Variants in DMD observed in about 807,000 individuals in gnomAD.
The protein encoded by DMD is dystrophin.
Under a neutral mutation model 330.1 loss-of-function variants are expected in DMD, and 63 were observed. The ratio of observed to expected loss-of-function variants is 0.19; its 90% CI spans 0.16 to 0.24. The LOEUF (loss-of-function observed/expected upper bound fraction) is 0.24. Among genes scored for constraint, DMD ranks in the 10% least tolerant of loss-of-function variants. The probability of loss-of-function intolerance (pLI) is 1.00; values close to 1 mark genes in which losing one functional copy is unlikely to be tolerated. For synonymous variants in DMD, 1,223 were observed against 959.8 expected (o/e 1.27, Z -5.07); for missense variants, 3,344 against 2,684.1 (o/e 1.25, Z -5.43).
chrX:33,113,598 C>G (rs35061242), intron 1 of DMD, among the ~76,000 whole-genome samples: 48 of 108,643 alleles, frequency 4.4e-4, no homozygotes, highest in Admixed American at 2.8e-3. Context: ...TTGCCCCCCC[C>G]CCCAAAAAAA....
intron 1 of DMD, among the ~76,000 whole-genome samples, chrX:33,271,024 G>T (rs1327830438): frequency 9.0e-6 from 1 of 111,096 alleles, no homozygotes; most frequent in Non-Finnish European, 1.9e-5. Flanking sequence ...TATTTAAAAA[G>T]GTGTTATTTG....
At chrX:31,503,031 C>CT (rs2070565973) in intron 56 of DMD, among the ~76,000 whole-genome samples, 1 of 109,463 alleles carries the variant, frequency 9.1e-6, no homozygotes, top group South Asian at 3.9e-4. Context: ...TGACTACTTA[C>CT]TTTTCTTCCT....
intron 1 of DMD, among the ~76,000 whole-genome samples, chrX:33,321,373 C>T (rs1189944266): frequency 9.0e-6 from 1 of 111,062 alleles, no homozygotes; most frequent in Non-Finnish European, 1.9e-5. Flanking sequence ...CCTTGTACAT[C>T]TCCAAATGAG....
intron 18 of DMD, among the ~76,000 whole-genome samples, chrX:32,505,892 T>C (rs1010022984): frequency 3.6e-5 from 4 of 112,141 alleles, no homozygotes; most frequent in African/African-American, 6.5e-5. Context: ...TTAAAGAAGA[T>C]AATCTGAAAA....
At chrX:33,330,071 A>G (rs2054147578) in intron 1 of DMD, among the ~76,000 whole-genome samples, 1 of 111,131 alleles carries the variant, frequency 9.0e-6, no homozygotes, top group South Asian at 3.7e-4. Flanking sequence ...ATAAATATAT[A>G]CATATATGTG....
chrX:31,892,352 C>T (rs918419710), intron 47 of DMD, among the ~76,000 whole-genome samples: 6 of 110,775 alleles, frequency 5.4e-5, no homozygotes, highest in Admixed American at 2.9e-4. Flanking sequence ...AGAACTTCAC[C>T]GGTTAATATG....
rs138104958 is a variant in DMD at position 32,228,345 on chromosome X, T to A, written c.6291-11282A>T. Among the ~76,000 whole-genome samples the A allele has an allele frequency of 2.7e-5, 3 of 111,586 alleles. No homozygotes were observed. In the East Asian group the frequency reaches 8.5e-4, roughly 31 times the overall value. On this transcript the variant is annotated intron_variant, in intron 43 of 78. Coordinates refer to ENST00000357033, the MANE Select transcript of DMD (RefSeq NM_004006.3). ...AAGGTTGTGATATTTGAAAATTCCA[T>A]CATGATGGAAAAATATTCAGGGTGT...
At chrX:31,411,499 T>A (rs1055381640) in intron 60 of DMD, among the ~76,000 whole-genome samples, 2 of 112,293 alleles carry the variant, frequency 1.8e-5, no homozygotes, top group African/African-American at 6.5e-5. Context: ...TAGAAGGGTG[T>A]ACATTGTATA....
chrX:32,303,853 C>T (rs995040859), intron 42 of DMD, among the ~76,000 whole-genome samples: 7 of 110,649 alleles, frequency 6.3e-5, no homozygotes, highest in South Asian at 3.8e-4. Context: ...ACATCCCATC[C>T]AGCTACCAGG....
intron 43 of DMD, among the ~76,000 whole-genome samples, chrX:32,234,502 T>C (rs2097180519): frequency 9.0e-6 from 1 of 111,704 alleles, no homozygotes. Flanking sequence ...TTCAACTGAT[T>C]TGGGACATGG....
intron 41 of DMD, among the ~76,000 whole-genome samples, chrX:32,340,407 C>T (rs5972542): frequency 0.19 from 21,582 of 110,810 alleles, 2,060 homozygotes; most frequent in African/African-American, 0.36. Flanking sequence ...CTGGTTCACA[C>T]ATGCTTCCTT....
At chrX:31,496,538 T>C (rs1459188635) in intron 57 of DMD, among the ~76,000 whole-genome samples, 1 of 112,240 alleles carries the variant, frequency 8.9e-6, no homozygotes, top group Non-Finnish European at 1.9e-5. Flanking sequence ...ATATGTTCAA[T>C]ATTTTTCATC....
At chrX:33,253,863 A>C (rs2052811722) in intron 1 of DMD, among the ~76,000 whole-genome samples, 1 of 111,207 alleles carries the variant, frequency 9.0e-6, no homozygotes, top group Non-Finnish European at 1.9e-5. Context: ...TTTTAATAGT[A>C]ATTTATTCAT....
chrX:32,656,491 C>A (rs2060582195), intron 9 of DMD, among the ~76,000 whole-genome samples: 1 of 112,134 alleles, frequency 8.9e-6, no homozygotes, highest in Non-Finnish European at 1.9e-5. Context: ...AAACCTACAG[C>A]AATCTCATAT....
At position 31,347,022 on chromosome X, in the gene DMD, AAAAAAAAAAAAAAAG is replaced by A. The variant is rs1487741386; in HGVS notation, c.9163+1519_9163+1533del. Among the ~76,000 whole-genome samples, 466 of 76,541 alleles carry A rather than the reference AAAAAAAAAAAAAAAG, an allele frequency of 6.1e-3. 15 individuals are homozygous for A. The highest frequency in any genetic ancestry group is 0.03 in the Admixed American group (214 of 7,212). 66.5% of individuals were successfully genotyped at this position (76,541 alleles called of 115,157 possible). A position where few individuals can be genotyped will look rare whatever the true frequency, so the allele number is the denominator to read the frequency against. ...CTCTCAAAAAAAAAAAAAAAAAAAAAAAAAAAAAAAAAAAGGAAGGATGCAAACAGTTAGGGAAAG... is the reference window on the plus strand; with the variant it reads ...CTCTCAAAAAAAAAAAAAAAAAAAAAGAAGGATGCAAACAGTTAGGGAAAG... On this transcript the variant is annotated intron_variant, in intron 61 of 78. Coordinates refer to ENST00000357033, the MANE Select transcript of DMD (RefSeq NM_004006.3).
rs9698860 is a variant in DMD at position 31,487,020 on chromosome X, G to T, written c.8548-7917C>A. 4.7e-3 allele frequency among the ~76,000 whole-genome samples: 521 copies of T among 111,758 alleles called. 4 individuals are homozygous for T. The highest frequency in any genetic ancestry group is 0.016 in the African/African-American group (485 of 30,757). On this transcript the variant is annotated intron_variant, in intron 57 of 78. Transcript: ENST00000357033. ...AGCAATCCAGGATGTACATGGCAGG[G>T]TGGCAAGAATATTGCCCCCAGTAAT...
At chrX:31,332,379 T>C (rs1018251431) in intron 61 of DMD, among the ~76,000 whole-genome samples, 3 of 111,955 alleles carry the variant, frequency 2.7e-5, no homozygotes, top group Admixed American at 9.5e-5. Flanking sequence ...TATTCTTGTA[T>C]AGTAGTTATA....
At chrX:32,766,724 T>G (rs953062682) in intron 7 of DMD, among the ~76,000 whole-genome samples, 1 of 111,392 alleles carries the variant, frequency 9.0e-6, no homozygotes, top group Non-Finnish European at 1.9e-5. Context: ...ATGAATATAG[T>G]TAATAGAGTA....
chrX:32,855,403 T>C (rs2081465844), intron 2 of DMD, among the ~76,000 whole-genome samples: 1 of 111,982 alleles, frequency 8.9e-6, no homozygotes, highest in Non-Finnish European at 1.9e-5. Context: ...TCCCATTACC[T>C]GACTTCAAAT....
Sources: allele counts gnomAD v4.1 joint callset (sites outside exome capture counted in the v4.1 genomes callset), GRCh38; gene constraint gnomAD v4.1.1; transcripts MANE v1.5; gene names NCBI Gene and HGNC (gene_info 2026-07-23, HGNC 2026-07-21).